The following CTNNA2 variants were observed in gnomAD, a reference collection of about 807,000 sequenced individuals.
CTNNA2 encodes the protein catenin alpha-2.
In CTNNA2, 42 loss-of-function variants were observed where a neutral mutation model predicts 101.0. The observed-to-expected ratio is 0.42, with a 90% CI of 0.32 to 0.54. The LOEUF (loss-of-function observed/expected upper bound fraction) is 0.54. Ranked by LOEUF, CTNNA2 falls within the 20% of genes least tolerant of loss-of-function variation. The probability of loss-of-function intolerance (pLI) is 0.14; values close to 1 mark genes in which losing one functional copy is unlikely to be tolerated. For missense variants in CTNNA2, 871 were observed against 1,223.1 expected (o/e 0.71, Z 4.29); for synonymous variants, 450 against 456.4 (o/e 0.99, Z 0.18).
rs145920176 is a variant in CTNNA2, at chr2:80,333,574, A to G, written c.1057-59637A>G. 3.9e-4 allele frequency among the ~76,000 whole-genome samples: 60 copies of G among 152,326 alleles called. No individual in the cohort carries two copies. The East Asian group carries it at 0.011, about 29-fold the overall frequency. ...AGATTCCTTTTACCTGCATAATACC[A>G]TTGGTCAGTGAGTTGCTCAGACCAG... On this transcript the variant is annotated intron_variant, in intron 7 of 18. Transcript: ENST00000402739.
At chr2:79,933,790 G>A (rs1687610674) in intron 7 of CTNNA2, among the ~76,000 whole-genome samples, 1 of 152,166 alleles carries the variant, frequency 6.6e-6, no homozygotes, top group East Asian at 1.9e-4. Context: ...CTAACCACCT[G>A]TATGCTTTTA....
chr2:79,324,455 G>T (rs1056210902), intron 3 of CTNNA2, among the ~76,000 whole-genome samples: 1 of 152,090 alleles, frequency 6.6e-6, no homozygotes, highest in Non-Finnish European at 1.5e-5. Context: ...AGGTGGTTTG[G>T]GTGTGGACTT....
intron 2 of CTNNA2, among the ~76,000 whole-genome samples, chr2:79,221,645 A>T (rs1384264831): frequency 2.0e-5 from 3 of 152,068 alleles, no homozygotes; most frequent in Non-Finnish European, 4.4e-5. Context: ...TATTGTCTCC[A>T]GTAGCAAAGA....
intron 8 of CTNNA2, among the ~76,000 whole-genome samples, chr2:80,399,568 T>C (rs926233149): frequency 2.6e-5 from 4 of 152,172 alleles, no homozygotes; most frequent in Non-Finnish European, 5.9e-5. Flanking sequence ...ATGAAAACTC[T>C]CAATGAAGTG....
intron 2 of CTNNA2, among the ~76,000 whole-genome samples, chr2:79,241,337 A>C (rs1011537690): frequency 6.6e-6 from 1 of 152,236 alleles, no homozygotes; most frequent in Non-Finnish European, 1.5e-5. Context: ...GAATGACATA[A>C]CACTAAAGAG....
intron 2 of CTNNA2, among the ~76,000 whole-genome samples, chr2:79,294,639 A>G (rs983313440): frequency 6.6e-6 from 1 of 152,202 alleles, no homozygotes; most frequent in African/African-American, 2.4e-5. Context: ...TCTATTTTAT[A>G]GATTATCAGA....
chr2:79,904,761 A>G (rs528835694), intron 6 of CTNNA2, among the ~76,000 whole-genome samples: 1 of 152,308 alleles, frequency 6.6e-6, no homozygotes, highest in Non-Finnish European at 1.5e-5. Flanking sequence ...TTCTCCTCTT[A>G]TGTCAGAGCT....
chr2:79,726,322 G>T (rs1202894940), intron 2 of CTNNA2, among the ~76,000 whole-genome samples: 1 of 152,140 alleles, frequency 6.6e-6, no homozygotes, highest in Non-Finnish European at 1.5e-5. Flanking sequence ...GTGGTTTAAT[G>T]CAGAAGTCCC....
chr2:80,306,349 TG>T (rs1184573107), intron 7 of CTNNA2, among the ~76,000 whole-genome samples: 7 of 152,126 alleles, frequency 4.6e-5, no homozygotes, highest in Non-Finnish European at 8.8e-5. Flanking sequence ...AGCTTGCAAC[TG>T]GCACAGATGG....
rs369361846 is a variant in CTNNA2, at chr2:80,320,442, T to G, written c.1057-72769T>G. Among the ~76,000 whole-genome samples the G allele has an allele frequency of 1.1e-4, 17 of 152,322 alleles. No homozygotes were observed. The South Asian group carries it at 3.5e-3, about 32-fold the overall frequency. On this transcript the variant is annotated intron_variant, in intron 7 of 18. Coordinates refer to ENST00000402739, the MANE Select transcript of CTNNA2 (RefSeq NM_001282597.3). Reference sequence around the variant, plus strand: ...GCAGCTCTTGTACCTATCTCTAGGATTGAGCCTTCACCTTCTCCGAATTGT... The same window carrying G: ...GCAGCTCTTGTACCTATCTCTAGGAGTGAGCCTTCACCTTCTCCGAATTGT...
chr2:79,631,056 CT>C (rs892965006), intron 1 of CTNNA2, among the ~76,000 whole-genome samples: 20 of 151,962 alleles, frequency 1.3e-4, no homozygotes, highest in African/African-American at 4.6e-4. Context: ...TATGTGCCCC[CT>C]GGCAGATTTT....
intron 9 of CTNNA2, among the ~76,000 whole-genome samples, chr2:80,421,452 G>A (rs1017277820): frequency 6.6e-6 from 1 of 151,976 alleles, no homozygotes; most frequent in African/African-American, 2.4e-5. Context: ...ATGAGACTGG[G>A]GCCAAAGACC....
chr2:80,040,826 A>G (rs1695999344), intron 7 of CTNNA2, among the ~76,000 whole-genome samples: 1 of 152,184 alleles, frequency 6.6e-6, no homozygotes, highest in Non-Finnish European at 1.5e-5. Flanking sequence ...TTGACCTAAC[A>G]GTTTGATGTT....
chr2:80,488,746 T>G (rs909644992), intron 9 of CTNNA2, among the ~76,000 whole-genome samples: 2 of 152,210 alleles, frequency 1.3e-5, no homozygotes, highest in African/African-American at 4.8e-5. Flanking sequence ...TTTATAGTCA[T>G]AGAACTAAGT....
At chr2:80,092,461 C>T (rs751252287) in intron 7 of CTNNA2, among the ~76,000 whole-genome samples, 3 of 152,122 alleles carry the variant, frequency 2.0e-5, no homozygotes, top group South Asian at 2.1e-4. Flanking sequence ...CTTGAGAATG[C>T]GGTTTAAGAA....
chr2:79,291,445 G>A (rs1006520081), intron 2 of CTNNA2, among the ~76,000 whole-genome samples: 2 of 152,120 alleles, frequency 1.3e-5, no homozygotes, highest in African/African-American at 4.8e-5. Context: ...GGCCTATCCT[G>A]CTGAGGTATA....
chr2:79,458,931 T>C (rs1161455968), intron 4 of CTNNA2, among the ~76,000 whole-genome samples: 1 of 152,120 alleles, frequency 6.6e-6, no homozygotes, highest in Non-Finnish European at 1.5e-5. Flanking sequence ...AGCTTCTGCT[T>C]GGATTACAGC....
intron 4 of CTNNA2, among the ~76,000 whole-genome samples, chr2:79,427,271 T>C (rs1245936111): frequency 6.6e-6 from 1 of 152,054 alleles, no homozygotes; most frequent in Non-Finnish European, 1.5e-5. Context: ...GAATGTAGAA[T>C]TCCTGCACCT....
intron 9 of CTNNA2, among the ~76,000 whole-genome samples, chr2:80,527,177 G>C (rs181917248): frequency 4.3e-4 from 65 of 152,334 alleles, no homozygotes; most frequent in Middle Eastern, 3.4e-3. Flanking sequence ...AAAATTCTCA[G>C]ATAACTCACT....
Sources: gnomAD v4.1 joint callset for allele counts (sites outside exome capture counted in the v4.1 genomes callset) on GRCh38, gnomAD v4.1.1 for gene constraint, MANE v1.5 for transcripts, NCBI Gene and HGNC (gene_info 2026-07-23, HGNC 2026-07-21) for gene names.